CDH13: variants seen among roughly 807,000 people sequenced by gnomAD.
CDH13 encodes cadherin-13.
Under a neutral mutation model 63.8 loss-of-function variants are expected in CDH13, and 24 were observed. The observed-to-expected ratio is 0.38, with a 90% CI of 0.27 to 0.53. CDH13 has a LOEUF of 0.53. Among genes scored for constraint, CDH13 ranks in the 20% least tolerant of loss-of-function variants. The pLI, the probability that CDH13 is intolerant of heterozygous loss-of-function variation, is 0.85. For synonymous variants in CDH13, 503 were observed against 355.3 expected (o/e 1.42, Z -4.67); for missense variants, 1,049 against 903.1 (o/e 1.16, Z -2.07).
At chr16:83,156,458 G>A (rs1054207874) in intron 4 of CDH13, among the ~76,000 whole-genome samples, 4 of 152,154 alleles carry the variant, frequency 2.6e-5, no homozygotes, top group African/African-American at 9.7e-5. Context: ...AAGGCGACAT[G>A]TACTCTTAAG....
chr16:82,704,999 G>A, intron 1 of CDH13: 1 of 375,104 alleles, frequency 2.7e-6, no homozygotes, highest in African/African-American at 2.1e-5. Flanking sequence ...CATGAGGAAG[G>A]TGAATGACCA....
chr16:83,165,445 A>C (rs1236325165), intron 4 of CDH13, among the ~76,000 whole-genome samples: 1 of 152,030 alleles, frequency 6.6e-6, no homozygotes, highest in African/African-American at 2.4e-5. Context: ...TATTATGCAA[A>C]ACCTATTAAC....
chr16:83,558,161 A>G (rs2075638613), intron 7 of CDH13, among the ~76,000 whole-genome samples: 1 of 152,144 alleles, frequency 6.6e-6, no homozygotes, highest in Non-Finnish European at 1.5e-5. Context: ...CCTGTTGTAG[A>G]GGGGCTAGAG....
intron 4 of CDH13, among the ~76,000 whole-genome samples, chr16:83,210,817 T>C (rs1435722742): frequency 6.7e-6 from 1 of 148,660 alleles, no homozygotes; most frequent in Non-Finnish European, 1.5e-5. Flanking sequence ...CACATGGCAG[T>C]GGGGGATCCT....
chr16:83,719,463 A>G (rs1389650653), intron 10 of CDH13, among the ~76,000 whole-genome samples: 1 of 152,212 alleles, frequency 6.6e-6, no homozygotes, highest in South Asian at 2.1e-4. Flanking sequence ...CGGTGGACAC[A>G]GGATCCGTAG....
At position 83,070,024 on chromosome 16, in the gene CDH13, A is replaced by T. The variant is rs1374929724; in HGVS notation, c.366+37806A>T. On this transcript the variant is annotated intron_variant, in intron 3 of 13. Coordinates refer to ENST00000567109, the MANE Select transcript of CDH13 (RefSeq NM_001257.5). Reference sequence around the variant, plus strand: ...AAAATTTCCCAAAATTTTGAGGACAACTTCCCTTTTTTTCAAGGCACTTGA... The same window carrying T: ...AAAATTTCCCAAAATTTTGAGGACATCTTCCCTTTTTTTCAAGGCACTTGA... 2.0e-5 allele frequency among the ~76,000 whole-genome samples: 3 copies of T among 152,158 alleles called. No homozygotes were observed. The East Asian group carries it at 5.8e-4, about 29-fold the overall frequency.
chr16:83,088,160 G>T (rs141129399), intron 3 of CDH13, among the ~76,000 whole-genome samples: 1 of 152,192 alleles, frequency 6.6e-6, no homozygotes, highest in East Asian at 1.9e-4. Context: ...TTTGGCTCAC[G>T]ACAACAAAAG....
At chr16:82,928,941 C>G (rs1021987841) in intron 2 of CDH13, among the ~76,000 whole-genome samples, 3 of 152,170 alleles carry the variant, frequency 2.0e-5, no homozygotes, top group African/African-American at 7.2e-5. Flanking sequence ...ATGTTTCAGT[C>G]TCAGTCTAGG....
intron 6 of CDH13, among the ~76,000 whole-genome samples, chr16:83,401,588 C>T (rs2091968846): frequency 6.6e-6 from 1 of 151,956 alleles, no homozygotes; most frequent in Admixed American, 6.5e-5. Flanking sequence ...CTGAATTATA[C>T]AAATTATATA....
At chr16:82,664,020 C>G (rs889421113) in intron 1 of CDH13, among the ~76,000 whole-genome samples, 2 of 152,156 alleles carry the variant, frequency 1.3e-5, no homozygotes, top group Non-Finnish European at 2.9e-5. Flanking sequence ...AGCTGTGGAC[C>G]ACGAGGCAGT....
chr16:83,408,724 AG>A (rs1300133661), intron 6 of CDH13, among the ~76,000 whole-genome samples: 1 of 152,208 alleles, frequency 6.6e-6, no homozygotes, highest in Non-Finnish European at 1.5e-5. Flanking sequence ...TCATTTGAAA[AG>A]GGCCTTGCTA....
At chr16:83,455,318 A>G (rs1288949874) in intron 6 of CDH13, among the ~76,000 whole-genome samples, 2 of 152,216 alleles carry the variant, frequency 1.3e-5, no homozygotes, top group Non-Finnish European at 2.9e-5. Flanking sequence ...TGGCAGATGG[A>G]CATTCAACCA....
At chr16:83,256,602 C>T (rs11647089) in intron 5 of CDH13, among the ~76,000 whole-genome samples, 13,524 of 147,600 alleles carry the variant, frequency 0.092, 861 homozygotes, top group Non-Finnish European at 0.13. Context: ...GAGGCTGAGG[C>T]GGGCGAATCA....
chr16:83,676,156 C>A (rs754032653), intron 9 of CDH13, among the ~76,000 whole-genome samples: 1 of 152,168 alleles, frequency 6.6e-6, no homozygotes, highest in Admixed American at 6.5e-5. Context: ...AGGAGCTGAG[C>A]GGCACAAATT....
intron 3 of CDH13, among the ~76,000 whole-genome samples, chr16:83,037,867 T>G (rs1360546404): frequency 6.6e-6 from 1 of 152,190 alleles, no homozygotes; most frequent in Non-Finnish European, 1.5e-5. Flanking sequence ...AAGAACAGTC[T>G]GTGTCACAGA....
At position 82,930,045 on chromosome 16, in the gene CDH13, T is replaced by A. The variant is rs2042438559; in HGVS notation, c.157+71572T>A. On this transcript the variant is annotated intron_variant, in intron 2 of 13. Transcript: ENST00000567109. Reference sequence around the variant, plus strand: ...AAAATGCATTAGTTTGTCTCTTTTTTTTTTTTTTTTTTTTTTTGAGATAGA... The same window carrying A: ...AAAATGCATTAGTTTGTCTCTTTTTATTTTTTTTTTTTTTTTTGAGATAGA... Among the ~76,000 whole-genome samples the A allele has an allele frequency of 1.1e-4, 16 of 146,506 alleles. No individual in the cohort carries two copies. In the South Asian group the frequency reaches 3.5e-3, roughly 32 times the overall value.
At chr16:82,985,295 T>C (rs16959010) in intron 2 of CDH13, among the ~76,000 whole-genome samples, 21,072 of 152,144 alleles carry the variant, frequency 0.14, 1,756 homozygotes, top group African/African-American at 0.23. Context: ...ATCTCTATTA[T>C]AGCAAAAAGA....
intron 1 of CDH13, among the ~76,000 whole-genome samples, chr16:82,682,274 C>G (rs1466800479): frequency 6.6e-6 from 1 of 152,184 alleles, no homozygotes; most frequent in Non-Finnish European, 1.5e-5. Flanking sequence ...CATCAACATG[C>G]TGATTCCATC....
chr16:83,459,530 T>G (rs72808312), intron 6 of CDH13, among the ~76,000 whole-genome samples: 4,259 of 152,326 alleles, frequency 0.028, 85 homozygotes, highest in Non-Finnish European at 0.038. Context: ...TTTATTTGCA[T>G]TTTTATCTTG....
Sources: gnomAD v4.1 joint callset for allele counts (sites outside exome capture counted in the v4.1 genomes callset) on GRCh38, gnomAD v4.1.1 for gene constraint, MANE v1.5 for transcripts, NCBI Gene and HGNC (gene_info 2026-07-23, HGNC 2026-07-21) for gene names.